FCHSD2: variants seen among roughly 807,000 people sequenced by gnomAD.
FCHSD2 encodes the protein F-BAR and double SH3 domains protein 2.
Under a neutral mutation model 108.1 loss-of-function variants are expected in FCHSD2, and 38 were observed. That is an observed-to-expected ratio of 0.35 (90% CI 0.27 to 0.46). The LOEUF (loss-of-function observed/expected upper bound fraction) is 0.46, where lower values mean the gene tolerates loss of function less well. Among genes scored for constraint, FCHSD2 ranks in the 20% least tolerant of loss-of-function variants. FCHSD2 has a pLI of 1.00. For missense variants in FCHSD2, 751 were observed against 897.8 expected (o/e 0.84, Z 2.09); for synonymous variants, 279 against 314.7 (o/e 0.89, Z 1.20).
chr11:72,883,126 C>CA (rs1435124709), intron 12 of FCHSD2, among the ~76,000 whole-genome samples: 1 of 152,050 alleles, frequency 6.6e-6, no homozygotes, highest in Non-Finnish European at 1.5e-5. Flanking sequence ...AAAACAACAA[C>CA]AAAAAAACCA....
intron 8 of FCHSD2, among the ~76,000 whole-genome samples, chr11:72,949,316 G>C (rs1206913675): frequency 2.0e-5 from 3 of 152,132 alleles, no homozygotes; most frequent in East Asian, 3.9e-4. Context: ...TGGGCGTGGT[G>C]GTGGGTGCCT....
intron 3 of FCHSD2, among the ~76,000 whole-genome samples, chr11:73,065,794 A>C (rs984253185): frequency 2.0e-5 from 3 of 152,190 alleles, no homozygotes; most frequent in Non-Finnish European, 4.4e-5. Flanking sequence ...TCCAACTTAC[A>C]AGGGATGTGA....
chr11:72,993,747 G>A (rs1050222092), intron 5 of FCHSD2, among the ~76,000 whole-genome samples: 1 of 145,212 alleles, frequency 6.9e-6, no homozygotes, highest in East Asian at 2.1e-4. Context: ...ATCACACACT[G>A]GGGCCTGTTG....
At chr11:72,907,654 G>A (rs896568160) in intron 9 of FCHSD2, among the ~76,000 whole-genome samples, 9 of 122,042 alleles carry the variant, frequency 7.4e-5, no homozygotes, top group Non-Finnish European at 8.0e-5. Flanking sequence ...TCCCAGGCAC[G>A]ATCTTGGCTC....
At chr11:73,121,484 A>G (rs962749651) in intron 2 of FCHSD2, among the ~76,000 whole-genome samples, 1 of 152,202 alleles carries the variant, frequency 6.6e-6, no homozygotes, top group African/African-American at 2.4e-5. Flanking sequence ...TAGACAAATT[A>G]GTAAATCCTT....
At chr11:72,852,116 T>C (rs1861306026) in intron 13 of FCHSD2, among the ~76,000 whole-genome samples, 1 of 152,078 alleles carries the variant, frequency 6.6e-6, no homozygotes, top group Non-Finnish European at 1.5e-5. Context: ...CTTGAACTCC[T>C]GGGTTCAAGT....
chr11:72,902,057 T>C (rs1294181588), intron 10 of FCHSD2, among the ~76,000 whole-genome samples: 2 of 152,038 alleles, frequency 1.3e-5, no homozygotes, highest in East Asian at 3.9e-4. Flanking sequence ...GTATTTTTAG[T>C]AGAGACAGGG....
intron 12 of FCHSD2, among the ~76,000 whole-genome samples, chr11:72,885,833 A>T (rs978352665): frequency 6.6e-6 from 1 of 152,156 alleles, no homozygotes; most frequent in African/African-American, 2.4e-5. Flanking sequence ...CCCTGAATTC[A>T]AAGAGAAAAA....
intron 3 of FCHSD2, among the ~76,000 whole-genome samples, chr11:73,025,361 C>A (rs1045229086): frequency 2.0e-5 from 3 of 152,044 alleles, no homozygotes; most frequent in African/African-American, 4.8e-5. Context: ...GAGCTGGAGG[C>A]CATTATCCTT....
At chr11:72,982,340 C>T (rs1223875571) in intron 8 of FCHSD2, among the ~76,000 whole-genome samples, 1 of 152,204 alleles carries the variant, frequency 6.6e-6, no homozygotes, top group Non-Finnish European at 1.5e-5. Context: ...AAAAGAGCAC[C>T]TGCTCTGGCT....
chr11:73,038,556 T>C (rs1264947869), intron 3 of FCHSD2, among the ~76,000 whole-genome samples: 1 of 152,166 alleles, frequency 6.6e-6, no homozygotes, highest in African/African-American at 2.4e-5. Context: ...GCAACATGAA[T>C]GTAGCTGGCA....
chr11:73,133,377 A>G (rs1861048183), intron 2 of FCHSD2, among the ~76,000 whole-genome samples: 2 of 152,242 alleles, frequency 1.3e-5, no homozygotes, highest in African/African-American at 4.8e-5. Flanking sequence ...ATCTCTGTCA[A>G]CTGATGAAGG....
chr11:73,016,317 A>AG (rs1490215630), intron 3 of FCHSD2, among the ~76,000 whole-genome samples: 1 of 151,270 alleles, frequency 6.6e-6, no homozygotes, highest in Non-Finnish European at 1.5e-5. Flanking sequence ...AAAAAAAAAA[A>AG]CAAAACCCAA....
At chr11:72,872,620 A>G (rs1379518695) in intron 12 of FCHSD2, among the ~76,000 whole-genome samples, 2 of 152,194 alleles carry the variant, frequency 1.3e-5, no homozygotes, top group East Asian at 3.8e-4. Context: ...AACATGTATC[A>G]GTATTTCATT....
intron 12 of FCHSD2, among the ~76,000 whole-genome samples, chr11:72,882,357 CAA>C (rs911008203): frequency 7.3e-6 from 1 of 136,180 alleles, no homozygotes. Context: ...GACTTCGTCT[CAA>C]AAAAAAAAAA....
At chr11:72,913,852 GAAAT>G (rs1855817466) in intron 9 of FCHSD2, among the ~76,000 whole-genome samples, 1 of 134,400 alleles carries the variant, frequency 7.4e-6, no homozygotes, top group African/African-American at 2.8e-5. Flanking sequence ...AAAAACCCTA[GAAAT>G]ACAGCTAACA....
intron 2 of FCHSD2, among the ~76,000 whole-genome samples, chr11:73,103,174 G>A (rs184237359): frequency 1.2e-4 from 18 of 152,222 alleles, no homozygotes; most frequent in Non-Finnish European, 2.2e-4. Context: ...GTAGTGTTTA[G>A]TCAACTACAT....
chr11:73,117,505 T>C lies in FCHSD2; in HGVS notation c.119+22526A>G, dbSNP rs577724524. On this transcript the variant is annotated intron_variant, in intron 2 of 19. Coordinates refer to ENST00000409418, the MANE Select transcript of FCHSD2 (RefSeq NM_014824.3). ...AACAAATTCATTAAGAGCTATAAATTTCCTTTTGAATCATACCCTACAAGT... is the reference window on the plus strand; with the variant it reads ...AACAAATTCATTAAGAGCTATAAATCTCCTTTTGAATCATACCCTACAAGT... 1.9e-3 allele frequency among the ~76,000 whole-genome samples: 297 copies of C among 152,338 alleles called. 1 individual carries two copies. The highest frequency in any genetic ancestry group is 6.8e-3 in the African/African-American group (284 of 41,586).
Position 72,995,780 on chromosome 11 carries a change from C to T in FCHSD2, c.387+5210G>A, listed in dbSNP as rs114675965. Among the ~76,000 whole-genome samples, 1,207 of 151,122 alleles carry T rather than the reference C, an allele frequency of 8.0e-3. 22 individuals carry two copies. The highest frequency in any genetic ancestry group is 0.027 in the African/African-American group (1,128 of 41,228). Reference sequence around the variant, plus strand: ...TGACAGAGACACAATAATAAACTTGCTAATAACTTGAATATAAGAATACAA... The same window carrying T: ...TGACAGAGACACAATAATAAACTTGTTAATAACTTGAATATAAGAATACAA... On this transcript the variant is annotated intron_variant, in intron 5 of 19. Coordinates refer to ENST00000409418, the MANE Select transcript of FCHSD2 (RefSeq NM_014824.3).
Sources: gnomAD v4.1 joint callset for allele counts (sites outside exome capture counted in the v4.1 genomes callset) on GRCh38, gnomAD v4.1.1 for gene constraint, MANE v1.5 for transcripts, NCBI Gene and HGNC (gene_info 2026-07-23, HGNC 2026-07-21) for gene names.